The following ERLEC1 variants were observed in gnomAD, a reference collection of about 807,000 sequenced individuals.
The protein encoded by ERLEC1 is ER lectin.
ERLEC1 carries 47 observed loss-of-function variants against 68.0 expected under a neutral mutation model. The observed-to-expected ratio is 0.69, with a 90% CI of 0.55 to 0.88. The LOEUF (loss-of-function observed/expected upper bound fraction) is 0.88, where lower values mean the gene tolerates loss of function less well. Among genes scored for constraint, ERLEC1 ranks in the 40% least tolerant of loss-of-function variants. ERLEC1 has a pLI of 0.00. For synonymous variants in ERLEC1, 225 were observed against 203.2 expected (o/e 1.11, Z -0.91); for missense variants, 567 against 583.8 (o/e 0.97, Z 0.30).
chr2:53,791,335 C>T (rs1218195763), intron 1 of ERLEC1, among the ~76,000 whole-genome samples: 1 of 152,270 alleles, frequency 6.6e-6, no homozygotes, highest in Middle Eastern at 3.4e-3. Context: ...TGTGTCAAAT[C>T]GCTAATTTCC....
chr2:53,789,546 C>T (rs1375096517), intron 1 of ERLEC1, among the ~76,000 whole-genome samples: 1 of 152,178 alleles, frequency 6.6e-6, no homozygotes, highest in Non-Finnish European at 1.5e-5. Flanking sequence ...CAGGTGGTCA[C>T]CATTGCATCT....
At chr2:53,793,792 C>T in intron 1 of ERLEC1, among the ~76,000 whole-genome samples, 1 of 151,840 alleles carries the variant, frequency 6.6e-6, no homozygotes, top group African/African-American at 2.4e-5. Flanking sequence ...ATTTATTTTC[C>T]TATTATGACA....
At chr2:53,810,287 T>C (rs999529219) in intron 10 of ERLEC1, among the ~76,000 whole-genome samples, 16 of 151,988 alleles carry the variant, frequency 1.1e-4, no homozygotes, top group African/African-American at 3.9e-4. Context: ...CTGGGCAACA[T>C]AGCAAAACCC....
At chr2:53,808,008 G>A (rs868048388) in intron 8 of ERLEC1, among the ~76,000 whole-genome samples, 18 of 149,056 alleles carry the variant, frequency 1.2e-4, no homozygotes, top group Middle Eastern at 3.5e-3. Flanking sequence ...CTGGGCGACA[G>A]AGCAAGACTC....
intron 8 of ERLEC1, among the ~76,000 whole-genome samples, chr2:53,804,990 T>TC (rs1491497001): frequency 1.5e-5 from 1 of 68,256 alleles, no homozygotes; most frequent in Non-Finnish European, 3.3e-5. Context: ...ACAGGATCTC[T>TC]TTTTTTTTTT....
rs750098829 is a variant in ERLEC1, at chr2:53,795,972, C to A, written c.307C>A (p.Leu103Ile). ...KDYKGPNPRE[L>I]LEPLFKQSSC... ...TTATAAAGGCCCTAATCCAAGAGAG[C>A]TTTTGGAGCCACTATTTAAACAAAG... Residue 103 changes from leucine (L) to isoleucine (I), a missense_variant, in exon 3 of 14, where the codon CTT becomes ATT. Transcript: ENST00000185150. 1.2e-5 allele frequency: 20 copies of A among 1,604,520 alleles called. No individual in the cohort carries two copies. Among genetic ancestry groups the A allele is most frequent in the Non-Finnish European group, 1.6e-5 (19 of 1,176,788 alleles).
chr2:53,817,449 T>A (rs1034200527), intron 13 of ERLEC1, among the ~76,000 whole-genome samples: 12 of 152,198 alleles, frequency 7.9e-5, no homozygotes, highest in Non-Finnish European at 1.3e-4. Context: ...TGGTTCTTTT[T>A]TATCTCTACT....
intron 8 of ERLEC1, among the ~76,000 whole-genome samples, chr2:53,803,111 A>T (rs1252551768): frequency 6.6e-6 from 1 of 152,144 alleles, no homozygotes; most frequent in Non-Finnish European, 1.5e-5. Flanking sequence ...TAGCACTTAC[A>T]TGGCTAAGAC....
intron 1 of ERLEC1, among the ~76,000 whole-genome samples, chr2:53,792,050 T>G (rs146706138): frequency 0.012 from 1,802 of 151,654 alleles, 33 homozygotes; most frequent in African/African-American, 0.042. Flanking sequence ...TAGCTGGGAG[T>G]ACAGGCGCCC....
chr2:53,801,462 A>C lies in ERLEC1; in HGVS notation c.591A>C (p.Thr197=). 1 of 1,614,044 alleles carries C rather than the reference A, an allele frequency of 6.2e-7. No homozygotes were observed. The highest frequency in any genetic ancestry group is 8.5e-7 in the Non-Finnish European group (1 of 1,179,964). Residue 197 remains threonine, a synonymous_variant, in exon 7 of 14, where the codon ACA becomes ACC. Coordinates refer to ENST00000185150, the MANE Select transcript of ERLEC1 (RefSeq NM_015701.5). ...PYYPVGMGNG[T]PCSLKQNRPR... is the part of the protein sequence containing the mutation. ...ATCCTGTGGGAATGGGAAATGGTAC[A>C]CCTTGTAGTTTGAAACAGAACCGGC... is the stretch of plus-strand genomic sequence containing the variant.
chr2:53,808,592 A>G, intron 9 of ERLEC1, 132 bp downstream of exon 9: 1 of 875,922 alleles, frequency 1.1e-6, no homozygotes, highest in Non-Finnish European at 1.7e-6. Context: ...CCCAAAGAAC[A>G]TTTTCTTTTT....
At chr2:53,796,574 C>A (rs1191430685) in intron 3 of ERLEC1, among the ~76,000 whole-genome samples, 1 of 151,972 alleles carries the variant, frequency 6.6e-6, no homozygotes, top group African/African-American at 2.4e-5. Context: ...GTTCTCCCAC[C>A]TCAGACTCCC....
At chr2:53,788,844 T>C (rs1208538199) in intron 1 of ERLEC1, 1 of 152,168 alleles carries the variant, frequency 6.6e-6, no homozygotes, top group African/African-American at 2.4e-5. Flanking sequence ...TTAATACCTG[T>C]TGTTGTATCC....
chr2:53,803,955 C>G (rs1191403903), intron 8 of ERLEC1, among the ~76,000 whole-genome samples: 2 of 152,054 alleles, frequency 1.3e-5, no homozygotes, highest in Admixed American at 6.6e-5. Flanking sequence ...CTGGCAAAAC[C>G]CCATCTCTAC....
At chr2:53,816,560 G>A (rs921962385) in intron 13 of ERLEC1, among the ~76,000 whole-genome samples, 6 of 151,760 alleles carry the variant, frequency 4.0e-5, no homozygotes, top group African/African-American at 1.2e-4. Context: ...TGAGCCACCC[G>A]CACCCAGCCC....
At chr2:53,817,654 T>C (rs1227442413) in intron 13 of ERLEC1, among the ~76,000 whole-genome samples, 2 of 152,206 alleles carry the variant, frequency 1.3e-5, no homozygotes, top group Non-Finnish European at 2.9e-5. Flanking sequence ...CTCTTACTCC[T>C]GTCCTTTGTT....
intron 6 of ERLEC1, among the ~76,000 whole-genome samples, chr2:53,801,008 G>A (rs116288406): frequency 8.8e-4 from 133 of 151,962 alleles, no homozygotes; most frequent in African/African-American, 3.1e-3. Context: ...GCCATTTACC[G>A]AGAGTTTAGA....
chr2:53,808,046 G>A (rs1350474166), intron 8 of ERLEC1, among the ~76,000 whole-genome samples: 7 of 151,794 alleles, frequency 4.6e-5, no homozygotes, highest in African/African-American at 1.7e-4. Context: ...AAAGAATAAT[G>A]AGACAAAGTA....
At position 53,818,475 on chromosome 2, in the gene ERLEC1, TTAAAC is replaced by T. The variant is rs1677015555; in HGVS notation, c.*509_*513del. 6.6e-6 allele frequency: 1 copy of T among 152,346 alleles called. No individual in the cohort carries two copies. The highest frequency in any genetic ancestry group is 2.4e-5 in the African/African-American group (1 of 41,446). 9.4% of individuals were successfully genotyped at this position (152,346 alleles called of 1,614,324 possible). On this transcript the variant is annotated 3_prime_UTR_variant, in exon 14 of 14. Coordinates refer to ENST00000185150, the MANE Select transcript of ERLEC1 (RefSeq NM_015701.5). ...TATAGCAACTGCTCTCTGCAAGTAG[TTAAAC>T]TAGAAACTGGGCACATGGTAGAGGC...
Sources: allele counts gnomAD v4.1 joint callset (sites outside exome capture counted in the v4.1 genomes callset), GRCh38; gene constraint gnomAD v4.1.1; transcripts MANE v1.5; gene names NCBI Gene and HGNC (gene_info 2026-07-23, HGNC 2026-07-21).